Variants in RGS7 observed in about 807,000 individuals in gnomAD.
RGS7 encodes the protein regulator of G-protein signaling 7.
In RGS7, 27 loss-of-function variants were observed where a neutral mutation model predicts 81.1. The ratio of observed to expected loss-of-function variants is 0.33; its 90% CI spans 0.25 to 0.46. RGS7 has a LOEUF of 0.46. Among genes scored for constraint, RGS7 ranks in the 20% least tolerant of loss-of-function variants. RGS7 has a pLI of 1.00. For synonymous variants in RGS7, 208 were observed against 207.7 expected (o/e 1.00, Z -0.01); for missense variants, 396 against 607.4 (o/e 0.65, Z 3.66).
At chr1:240,949,783 G>C (rs1679245166) in intron 4 of RGS7, among the ~76,000 whole-genome samples, 2 of 149,274 alleles carry the variant, frequency 1.3e-5, no homozygotes, top group East Asian at 4.0e-4. Context: ...AGGAGACGGA[G>C]GTTGCAGTGA....
chr1:240,899,265 A>G (rs149287429), intron 6 of RGS7, among the ~76,000 whole-genome samples: 19,441 of 152,074 alleles, frequency 0.13, 1,356 homozygotes, highest in Middle Eastern at 0.18. Flanking sequence ...CTTTTAATTG[A>G]AGCATTTAGC....
chr1:241,055,803 ACCAGCCCCCAT>A (rs2061448961), intron 3 of RGS7, among the ~76,000 whole-genome samples: 1 of 152,122 alleles, frequency 6.6e-6, no homozygotes, highest in South Asian at 2.1e-4. Flanking sequence ...TTCCCTGGAA[ACCAGCCCCCAT>A]CCTGAGGCTA....
At chr1:241,075,217 CT>C in intron 3 of RGS7, among the ~76,000 whole-genome samples, 1 of 152,282 alleles carries the variant, frequency 6.6e-6, no homozygotes, top group Non-Finnish European at 1.5e-5. Context: ...GAAAATCTCA[CT>C]CACATCCAAA....
At chr1:241,032,127 T>C (rs538960230) in intron 3 of RGS7, among the ~76,000 whole-genome samples, 43 of 152,376 alleles carry the variant, frequency 2.8e-4, no homozygotes, top group African/African-American at 9.6e-4. Context: ...TTTAAGTCTT[T>C]AATCTATCTT....
chr1:241,294,468 T>C (rs1400208851), intron 2 of RGS7, among the ~76,000 whole-genome samples: 1 of 152,136 alleles, frequency 6.6e-6, no homozygotes, highest in Non-Finnish European at 1.5e-5. Flanking sequence ...TTTTAAAAAA[T>C]GTAAAAGTCA....
chr1:241,298,831 G>A (rs2079570179), intron 2 of RGS7, among the ~76,000 whole-genome samples: 1 of 152,138 alleles, frequency 6.6e-6, no homozygotes, highest in Non-Finnish European at 1.5e-5. Context: ...CGCTCTTCCA[G>A]CATCTCCTGG....
chr1:241,189,721 G>A (rs1000146022), intron 2 of RGS7, among the ~76,000 whole-genome samples: 1 of 152,094 alleles, frequency 6.6e-6, no homozygotes, highest in African/African-American at 2.4e-5. Context: ...TGAGACTTGA[G>A]GTTCATTTAT....
At chr1:241,062,420 C>T (rs1285082645) in intron 3 of RGS7, among the ~76,000 whole-genome samples, 4 of 152,212 alleles carry the variant, frequency 2.6e-5, no homozygotes, top group African/African-American at 4.8e-5. Flanking sequence ...TATTCCATCA[C>T]AATTTCTCAC....
At chr1:241,270,251 A>G (rs1325590243) in intron 2 of RGS7, among the ~76,000 whole-genome samples, 1 of 152,126 alleles carries the variant, frequency 6.6e-6, no homozygotes, top group Non-Finnish European at 1.5e-5. Context: ...TTCCTATTGA[A>G]CTTCAGTTAG....
chr1:241,073,573 T>A (rs1025914790), intron 3 of RGS7, among the ~76,000 whole-genome samples: 1 of 152,212 alleles, frequency 6.6e-6, no homozygotes, highest in Non-Finnish European at 1.5e-5. Flanking sequence ...AACACAATTC[T>A]TATTCTTTAT....
At position 241,153,583 on chromosome 1, in the gene RGS7, G is replaced by A. The variant is rs1037412300; in HGVS notation, c.79-54821C>T. 4.6e-5 allele frequency among the ~76,000 whole-genome samples: 7 copies of A among 152,230 alleles called. No homozygotes were observed. The South Asian group carries it at 8.3e-4, about 18-fold the overall frequency. The stretch of plus-strand genomic sequence containing the variant: ...AACAGAGGGGGGCTTGCCCCAGTGC[G>A]GTACCACCTGTGTTGGGGCAGGTAA... On this transcript the variant is annotated intron_variant, in intron 2 of 18. Coordinates refer to ENST00000440928, the MANE Select transcript of RGS7 (RefSeq NM_001364886.1).
At chr1:241,160,255 C>G (rs1439508550) in intron 2 of RGS7, among the ~76,000 whole-genome samples, 1 of 152,132 alleles carries the variant, frequency 6.6e-6, no homozygotes, top group Non-Finnish European at 1.5e-5. Flanking sequence ...GTGATACAGA[C>G]TCAGCCCATG....
At chr1:241,182,837 G>GTTT (rs2071748969) in intron 2 of RGS7, among the ~76,000 whole-genome samples, 1 of 150,966 alleles carries the variant, frequency 6.6e-6, no homozygotes, top group Non-Finnish European at 1.5e-5. Context: ...TTGTTTGTTT[G>GTTT]TTTGTTTGTT....
At chr1:240,901,832 C>A (rs1670061619) in intron 6 of RGS7, among the ~76,000 whole-genome samples, 1 of 152,214 alleles carries the variant, frequency 6.6e-6, no homozygotes, top group South Asian at 2.1e-4. Context: ...CAGACCTCTG[C>A]AGGCTTTCAA....
chr1:241,136,221 T>C (rs554311123), intron 2 of RGS7, among the ~76,000 whole-genome samples: 4 of 152,238 alleles, frequency 2.6e-5, no homozygotes, highest in South Asian at 4.2e-4. Flanking sequence ...GTATAGACAG[T>C]CTGCAGTGTC....
chr1:240,869,467 TG>T (rs1270712393), intron 7 of RGS7, among the ~76,000 whole-genome samples: 1 of 152,250 alleles, frequency 6.6e-6, no homozygotes, highest in African/African-American at 2.4e-5. Context: ...CTATGTAGGA[TG>T]TATCTGACAT....
At chr1:240,962,586 A>C (rs1349116797) in intron 4 of RGS7, among the ~76,000 whole-genome samples, 2 of 152,216 alleles carry the variant, frequency 1.3e-5, no homozygotes, top group Non-Finnish European at 2.9e-5. Flanking sequence ...GCAAATCAAC[A>C]GACACTTAAC....
intron 2 of RGS7, among the ~76,000 whole-genome samples, chr1:241,278,150 G>A (rs1025895029): frequency 1.2e-4 from 18 of 151,924 alleles, no homozygotes; most frequent in African/African-American, 4.1e-4. Context: ...TTTGATGTTC[G>A]TATTTTTTTC....
chr1:241,341,627 G>A (rs1438835294), intron 2 of RGS7, among the ~76,000 whole-genome samples: 1 of 151,848 alleles, frequency 6.6e-6, no homozygotes, highest in Non-Finnish European at 1.5e-5. Context: ...AGGAAGACAA[G>A]GAAACAGACC....
Sources: gnomAD v4.1 joint callset for allele counts (sites outside exome capture counted in the v4.1 genomes callset) on GRCh38, gnomAD v4.1.1 for gene constraint, MANE v1.5 for transcripts, NCBI Gene and HGNC (gene_info 2026-07-23, HGNC 2026-07-21) for gene names.